The following DIAPH2 variants were observed in gnomAD, a reference collection of about 807,000 sequenced individuals.
The protein encoded by DIAPH2 is diaphanous related formin 2.
Under a neutral mutation model 92.7 loss-of-function variants are expected in DIAPH2, and 35 were observed. That is an observed-to-expected ratio of 0.38 (90% CI 0.29 to 0.50). The LOEUF (loss-of-function observed/expected upper bound fraction) is 0.50. Among genes scored for constraint, DIAPH2 ranks in the 20% least tolerant of loss-of-function variants. DIAPH2 has a pLI of 0.94. For missense variants in DIAPH2, 701 were observed against 819.5 expected (o/e 0.86, Z 1.77); for synonymous variants, 301 against 280.4 (o/e 1.07, Z -0.73).
chrX:97,064,426 G>A (rs1303596376), intron 17 of DIAPH2, among the ~76,000 whole-genome samples: 2 of 109,876 alleles, frequency 1.8e-5, no homozygotes, highest in African/African-American at 6.7e-5. Context: ...TTGGATTCCT[G>A]ACATAATCTC....
chrX:96,708,570 CAG>C (rs2147532478), intron 1 of DIAPH2, among the ~76,000 whole-genome samples: 1 of 111,911 alleles, frequency 8.9e-6, no homozygotes, highest in African/African-American at 3.2e-5. Flanking sequence ...TCCCATTCCT[CAG>C]TGTACCTACC....
intron 23 of DIAPH2, among the ~76,000 whole-genome samples, chrX:97,300,250 C>A (rs980201263): frequency 5.4e-5 from 6 of 111,644 alleles, no homozygotes; most frequent in Admixed American, 1.9e-4. Context: ...TGTAGCAATT[C>A]ATGGAATACG....
At chrX:96,805,938 C>G (rs1259197535) in intron 4 of DIAPH2, among the ~76,000 whole-genome samples, 2 of 112,064 alleles carry the variant, frequency 1.8e-5, no homozygotes, top group African/African-American at 6.5e-5. Context: ...CAGATAAGAC[C>G]TTAGGGTAGC....
At chrX:96,796,206 G>A (rs1484996558) in intron 4 of DIAPH2, among the ~76,000 whole-genome samples, 2 of 111,394 alleles carry the variant, frequency 1.8e-5, no homozygotes, top group Non-Finnish European at 3.8e-5. Flanking sequence ...TTGAGACGGA[G>A]TCTCACTGTA....
At chrX:97,426,445 C>T (rs773915554) in intron 25 of DIAPH2, among the ~76,000 whole-genome samples, 23 of 110,451 alleles carry the variant, frequency 2.1e-4, no homozygotes, top group African/African-American at 7.6e-4. Flanking sequence ...CCTGCCATCA[C>T]ACCTGGCTAA....
chrX:97,312,316 A>G (rs1295661006), intron 23 of DIAPH2, among the ~76,000 whole-genome samples: 1 of 105,126 alleles, frequency 9.5e-6, no homozygotes, highest in Admixed American at 1.0e-4. Flanking sequence ...GAAATTGCCA[A>G]TATTTGATCA....
chrX:97,427,657 G>GTTTTGCTTTTGT (rs2070082620), intron 25 of DIAPH2, among the ~76,000 whole-genome samples: 1 of 97,406 alleles, frequency 1.0e-5, no homozygotes, highest in Admixed American at 1.2e-4. Flanking sequence ...TGTTTTGTTT[G>GTTTTGCTTTTGT]TTTTGTTTTT....
intron 17 of DIAPH2, among the ~76,000 whole-genome samples, chrX:97,022,965 C>T (rs2066308034): frequency 1.8e-5 from 2 of 111,270 alleles, no homozygotes; most frequent in Admixed American, 1.9e-4. Flanking sequence ...GGGAGGATTG[C>T]TTGAGGCCAG....
intron 24 of DIAPH2, among the ~76,000 whole-genome samples, chrX:97,376,498 G>A (rs1166833540): frequency 8.9e-6 from 1 of 112,068 alleles, no homozygotes; most frequent in Non-Finnish European, 1.9e-5. Context: ...ATGTGGACAT[G>A]GTCCTGGATT....
At chrX:97,569,252 T>C (rs949777134) in intron 26 of DIAPH2, among the ~76,000 whole-genome samples, 4 of 112,025 alleles carry the variant, frequency 3.6e-5, no homozygotes, top group African/African-American at 1.3e-4. Flanking sequence ...CTATCAACAA[T>C]GTGGACCATG....
intron 21 of DIAPH2, among the ~76,000 whole-genome samples, chrX:97,132,915 T>A (rs918596784): frequency 9.8e-6 from 1 of 101,989 alleles, no homozygotes; most frequent in African/African-American, 4.0e-5. Flanking sequence ...GATTAGGCAA[T>A]TTTTTTTTTT....
chrX:96,756,486 A>G, intron 3 of DIAPH2, among the ~76,000 whole-genome samples: 1 of 112,060 alleles, frequency 8.9e-6, no homozygotes, highest in Non-Finnish European at 1.9e-5. Context: ...GCTGAATAAT[A>G]TTTCATTGTA....
At chrX:97,216,668 G>T (rs1000530473) in intron 22 of DIAPH2, among the ~76,000 whole-genome samples, 5 of 111,232 alleles carry the variant, frequency 4.5e-5, no homozygotes, top group African/African-American at 1.6e-4. Context: ...TAGGAAAGAA[G>T]AATCAGCATG....
At chrX:96,973,756 C>G (rs375060339) in intron 17 of DIAPH2, among the ~76,000 whole-genome samples, 2 of 90,014 alleles carry the variant, frequency 2.2e-5, no homozygotes, top group South Asian at 1.2e-3. Context: ...AGTGCAATGG[C>G]GTGATCTCAG....
At chrX:96,766,754 G>A (rs906914228) in intron 4 of DIAPH2, among the ~76,000 whole-genome samples, 12 of 112,377 alleles carry the variant, frequency 1.1e-4, no homozygotes, top group South Asian at 7.4e-4. Context: ...AATGAACTAG[G>A]AGGTCGGCAT....
chrX:96,999,131 C>G (rs371904068), intron 17 of DIAPH2, among the ~76,000 whole-genome samples: 2 of 111,259 alleles, frequency 1.8e-5, no homozygotes, highest in East Asian at 5.6e-4. Context: ...AGCTGGCTAG[C>G]AATTTAGTAC....
At chrX:97,054,920 C>T (rs967088777) in intron 17 of DIAPH2, among the ~76,000 whole-genome samples, 1 of 111,210 alleles carries the variant, frequency 9.0e-6, no homozygotes, top group African/African-American at 3.3e-5. Context: ...AATTTCATAG[C>T]TCTTCTATAC....
intron 2 of DIAPH2, 67 bp downstream of exon 2, chrX:96,735,857 A>C (rs760093233): frequency 1.4e-4 from 78 of 577,167 alleles, no homozygotes; most frequent in Non-Finnish European, 2.0e-4. Context: ...ATGGGTGGAC[A>C]TAAAAGCATT....
intron 23 of DIAPH2, among the ~76,000 whole-genome samples, chrX:97,331,423 G>A (rs758976830): frequency 8.9e-6 from 1 of 111,795 alleles, no homozygotes; most frequent in Admixed American, 9.6e-5. Flanking sequence ...GTATGTATAA[G>A]TATATACACA....
Sources: allele counts gnomAD v4.1 joint callset (sites outside exome capture counted in the v4.1 genomes callset), GRCh38; gene constraint gnomAD v4.1.1; transcripts MANE v1.5; gene names NCBI Gene and HGNC (gene_info 2026-07-23, HGNC 2026-07-21).